Variants in ERRFI1 observed in about 807,000 individuals in gnomAD.
ERRFI1 encodes the protein mitogen-inducible gene 6 protein.
In ERRFI1, 12 loss-of-function variants were observed where a neutral mutation model predicts 14.6. That is an observed-to-expected ratio of 0.82 (90% CI 0.53 to 1.33). The LOEUF is 1.33. Among genes scored for constraint, ERRFI1 ranks in the 40% most tolerant of loss-of-function variants. The pLI, the probability that ERRFI1 is intolerant of heterozygous loss-of-function variation, is 0.00. For missense variants in ERRFI1, 482 were observed against 572.1 expected, an observed-to-expected ratio of 0.84 and a Z score of 1.61; for synonymous variants, 202 against 209.9, an observed-to-expected ratio of 0.96 and a Z score of 0.32.
intron 3 of ERRFI1, chr1:8,015,077 C>T (rs754020643): frequency 2.5e-5 from 12 of 488,680 alleles, no homozygotes; most frequent in South Asian, 2.2e-4. Flanking sequence ...GAAGATCCCA[C>T]GTCCATGAAC....
intron 1 of ERRFI1, 66 bp downstream of exon 1, chr1:8,026,092 G>A (rs1641344634): frequency 6.6e-6 from 1 of 151,678 alleles, no homozygotes; most frequent in Admixed American, 6.6e-5. Flanking sequence ...GCCCGGCGCG[G>A]GGCCCCCTGA....
chr1:8,019,100 T>C (rs1641239525), intron 1 of ERRFI1, among the ~76,000 whole-genome samples: 1 of 152,228 alleles, frequency 6.6e-6, no homozygotes. Context: ...TACTTTTACA[T>C]GGTTTCTCAA....
chr1:8,020,836 C>T (rs890353226), intron 1 of ERRFI1, among the ~76,000 whole-genome samples: 2 of 152,104 alleles, frequency 1.3e-5, no homozygotes, highest in African/African-American at 2.4e-5. Context: ...TGAGATACCA[C>T]GCCCGGCCCA....
At chr1:8,021,934 A>G (rs1386595239) in intron 1 of ERRFI1, among the ~76,000 whole-genome samples, 2 of 152,194 alleles carry the variant, frequency 1.3e-5, no homozygotes, top group Non-Finnish European at 2.9e-5. Flanking sequence ...TAAACTGGCG[A>G]AGTAGGATCC....
At chr1:8,023,890 G>A (rs1235459728) in intron 1 of ERRFI1, among the ~76,000 whole-genome samples, 2 of 152,188 alleles carry the variant, frequency 1.3e-5, no homozygotes, top group Non-Finnish European at 2.9e-5. Flanking sequence ...TTTATGTAGC[G>A]AGTTCTTTAT....
chr1:8,017,533 A>G (rs1472658514), intron 1 of ERRFI1, among the ~76,000 whole-genome samples: 2 of 152,340 alleles, frequency 1.3e-5, no homozygotes, highest in Admixed American at 6.5e-5. Context: ...TTAGAAACCA[A>G]TTTAAAAATA....
rs1394233550 is a variant in ERRFI1 at position 8,023,746 on chromosome 1, T to C, written c.-74+2412A>G. On this transcript the variant is annotated intron_variant, in intron 1 of 3. Transcript: ENST00000377482. Reference sequence around the variant, plus strand: ...GAAATCTGAACCCCCCTCAGTAACTTTTCCCTATCTTAAAACTAATTGTTA... The same window carrying C: ...GAAATCTGAACCCCCCTCAGTAACTCTTCCCTATCTTAAAACTAATTGTTA... Among the ~76,000 whole-genome samples, 4 of 152,298 alleles carry C rather than the reference T, an allele frequency of 2.6e-5. No individual in the cohort carries two copies. In the East Asian group the frequency reaches 7.7e-4, roughly 29 times the overall value.
Position 8,013,878 on chromosome 1 carries a change from G to C in ERRFI1, c.721C>G (p.Gln241Glu). ...GACCTTCTTAATCTTCGGTGGGTCTGAGGTGGAGGAGGATTTGGATCTGGG... is the reference window on the plus strand; with the variant it reads ...GACCTTCTTAATCTTCGGTGGGTCTCAGGTGGAGGAGGATTTGGATCTGGG... Reference protein sequence around the residue: ...GVPDPNPPPPQTHRRLRRSHS... With the variant: ...GVPDPNPPPPETHRRLRRSHS... The change falls in exon 4 of 4, where the codon CAG becomes GAG. Residue 241 changes from glutamine (Q) to glutamate (E), a missense_variant. Coordinates refer to ENST00000377482, the MANE Select transcript of ERRFI1 (RefSeq NM_018948.4). The surrounding 1 kb of genome is among the most constrained non-coding windows in gnomAD (Gnocchi z 4.3). 1 of 1,614,180 alleles carries C rather than the reference G, an allele frequency of 6.2e-7. No homozygotes were observed. Among genetic ancestry groups the C allele is most frequent in the Non-Finnish European group, 8.5e-7 (1 of 1,180,020 alleles).
Position 8,015,505 on chromosome 1 carries a change from CACTGCG to C in ERRFI1, c.109_114del (p.Arg37_Ser38del), listed in dbSNP as rs1641160425. ...ACATCCTCTACTTACTTTTTAAACT[CACTGCG>C]ACTGCTCCAGTAGGTCTTCCTCATA... On this transcript the variant is annotated inframe_deletion, in exon 2 of 4. Transcript: ENST00000377482. 1 of 1,614,152 alleles carries C rather than the reference CACTGCG, an allele frequency of 6.2e-7. No homozygotes were observed. Among genetic ancestry groups the C allele is most frequent in the Non-Finnish European group, 8.5e-7 (1 of 1,179,986 alleles).
intron 1 of ERRFI1, among the ~76,000 whole-genome samples, chr1:8,025,262 A>G (rs1641327376): frequency 6.6e-6 from 1 of 152,218 alleles, no homozygotes; most frequent in Non-Finnish European, 1.5e-5. Flanking sequence ...AAGACTTAGC[A>G]AGCACTAATA....
intron 3 of ERRFI1, 125 bp from the exon 4 acceptor site, chr1:8,014,521 C>T (rs1641144360): frequency 1.1e-6 from 1 of 885,006 alleles, no homozygotes; most frequent in Non-Finnish European, 1.7e-6. Flanking sequence ...TGACTGCTGT[C>T]ACCCCGAGAA....
chr1:8,014,775 G>A (rs1054416984), intron 3 of ERRFI1: 2 of 226,810 alleles, frequency 8.8e-6, no homozygotes, highest in African/African-American at 2.3e-5. Context: ...AGGCACGTAG[G>A]GTACCAATGA....
In ERRFI1 at chr1:8,015,580, G is replaced by A. The variant is rs201907699; in HGVS notation, c.40C>T (p.Pro14Ser). ...AGVAAQEIRV[P>S]LKTGFLHNGR... ...TTATGTAGAAATCCAGTTTTTAATGGGACTCTGATCTCCTGAGCAGCAACT... is the reference window on the plus strand; with the variant it reads ...TTATGTAGAAATCCAGTTTTTAATGAGACTCTGATCTCCTGAGCAGCAACT... Residue 14 changes from proline (P) to serine (S), a missense_variant, in exon 2 of 4, where the codon CCA becomes TCA. Transcript: ENST00000377482. The A allele has an allele frequency of 6.2e-7, 1 of 1,614,058 alleles. No homozygotes were observed. The highest frequency in any genetic ancestry group is 8.5e-7 in the Non-Finnish European group (1 of 1,179,980).
At chr1:8,015,280 A>T in intron 3 of ERRFI1, 28 bp downstream of exon 3, 1 of 1,592,918 alleles carries the variant, frequency 6.3e-7, no homozygotes, top group Non-Finnish European at 8.6e-7. Context: ...TCAAATGCTT[A>T]CTGTGATCAG....
Position 8,015,691 on chromosome 1 carries a change from C to T in ERRFI1, c.-72G>A, listed in dbSNP as rs566724684. 3.0e-5 allele frequency: 47 copies of T among 1,587,774 alleles called. No individual in the cohort carries two copies. The African/African-American group carries it at 5.5e-4, about 19-fold the overall frequency. On this transcript the variant is annotated splice_region_variant and 5_prime_UTR_variant, in exon 2 of 4. Coordinates refer to ENST00000377482, the MANE Select transcript of ERRFI1 (RefSeq NM_018948.4). The stretch of plus-strand genomic sequence containing the variant: ...TTAAAATCAACCAGTAGCTTTCATT[C>T]CCTGGGAGGTAGAAGAGATGAGAGA...
intron 1 of ERRFI1, among the ~76,000 whole-genome samples, chr1:8,024,967 T>G (rs1461013038): frequency 6.6e-6 from 1 of 152,150 alleles, no homozygotes; most frequent in African/African-American, 2.4e-5. Flanking sequence ...GGATGTTCAG[T>G]CTCAACAAAT....
At chr1:8,017,715 G>C (rs1186751190) in intron 1 of ERRFI1, among the ~76,000 whole-genome samples, 1 of 152,108 alleles carries the variant, frequency 6.6e-6, no homozygotes, top group African/African-American at 2.4e-5. Flanking sequence ...TTTGAAGATC[G>C]CTCATCCAGA....
chr1:8,014,522 A>C, intron 3 of ERRFI1, 126 bp from the exon 4 acceptor site: 1 of 836,920 alleles, frequency 1.2e-6, no homozygotes, highest in South Asian at 1.8e-5. Flanking sequence ...GACTGCTGTC[A>C]CCCCGAGAAC....
intron 1 of ERRFI1, among the ~76,000 whole-genome samples, chr1:8,018,406 A>G (rs1201133089): frequency 7.5e-6 from 1 of 132,932 alleles, no homozygotes; most frequent in Non-Finnish European, 1.6e-5. Context: ...AAATAAATCC[A>G]TTTTACCAAC....
Sources: gnomAD v4.1 joint callset for allele counts (sites outside exome capture counted in the v4.1 genomes callset) on GRCh38, gnomAD v4.1.1 for gene constraint, Gnocchi (gnomAD v3.1) non-coding constraint, MANE v1.5 for transcripts, NCBI Gene and HGNC (gene_info 2026-07-23, HGNC 2026-07-21) for gene names.